LINGO2: variants seen among roughly 807,000 people sequenced by gnomAD.
LINGO2 encodes leucine rich repeat and Ig domain containing 2, also known as leucine-rich repeat and immunoglobulin-like domain-containing nogo receptor-interacting protein 2.
Under a neutral mutation model 30.6 loss-of-function variants are expected in LINGO2, and 14 were observed. The observed-to-expected ratio is 0.46, with a 90% CI of 0.30 to 0.72. The LOEUF (loss-of-function observed/expected upper bound fraction) is 0.72. Among genes scored for constraint, LINGO2 ranks in the 30% least tolerant of loss-of-function variants. The pLI, the probability that LINGO2 is intolerant of heterozygous loss-of-function variation, is 0.07. For missense variants in LINGO2, 729 were observed against 751.7 expected (o/e 0.97, Z 0.35); for synonymous variants, 317 against 288.5 (o/e 1.10, Z -1.00).
the LINGO2 span, among the ~76,000 whole-genome samples, chr9:28,990,563 C>T: frequency 2.4e-4 from 36 of 152,284 alleles, no homozygotes; most frequent in East Asian, 6.6e-3. Flanking sequence ...TCAAGTGGCT[C>T]CCTGACCCCT....
chr9:28,720,754 G>C, the LINGO2 span, among the ~76,000 whole-genome samples: 1 of 152,016 alleles, frequency 6.6e-6, no homozygotes, highest in Admixed American at 6.6e-5. Flanking sequence ...TGGAGGAAGA[G>C]GAATATGTGT....
chr9:29,128,933 T>C, the LINGO2 span, among the ~76,000 whole-genome samples: 1 of 152,190 alleles, frequency 6.6e-6, no homozygotes, highest in Non-Finnish European at 1.5e-5. Context: ...AGTATAACTT[T>C]TTATTAAACA....
the LINGO2 span, among the ~76,000 whole-genome samples, chr9:28,883,628 G>GTGTGTATGTATATATGTATATA: frequency 1.6e-5 from 1 of 64,180 alleles, no homozygotes; most frequent in Non-Finnish European, 3.0e-5. Context: ...ATGTGTGTGT[G>GTGTGTATGTATATATGTATATA]TATATATATA....
chr9:28,507,198 C>A (rs1187871534), intron 1 of LINGO2, among the ~76,000 whole-genome samples: 1 of 142,098 alleles, frequency 7.0e-6, no homozygotes, highest in Non-Finnish European at 1.5e-5. Flanking sequence ...ATAGACCTTA[C>A]TGCATTTCAG....
chr9:28,998,658 G>A, the LINGO2 span, among the ~76,000 whole-genome samples: 4 of 151,790 alleles, frequency 2.6e-5, no homozygotes, highest in African/African-American at 9.7e-5. Context: ...TCCTAGTCAA[G>A]GTTAAGGATT....
At chr9:28,352,169 G>A (rs995773228) in intron 3 of LINGO2, among the ~76,000 whole-genome samples, 6 of 151,756 alleles carry the variant, frequency 4.0e-5, no homozygotes, top group Non-Finnish European at 8.8e-5. Context: ...GGCAGGAGAA[G>A]GAAATAAAGG....
intron 4 of LINGO2, among the ~76,000 whole-genome samples, chr9:28,034,686 T>C (rs1408124742): frequency 6.6e-6 from 1 of 152,210 alleles, no homozygotes; most frequent in African/African-American, 2.4e-5. Flanking sequence ...TCAGGGATGA[T>C]AGTTAATGAC....
At chr9:28,436,734 G>A (rs112117468) in intron 2 of LINGO2, among the ~76,000 whole-genome samples, 50 of 152,302 alleles carry the variant, frequency 3.3e-4, no homozygotes, top group Non-Finnish European at 5.3e-4. Flanking sequence ...TGGGATTACA[G>A]GCATAAGCCA....
intron 4 of LINGO2, among the ~76,000 whole-genome samples, chr9:28,085,864 T>A (rs906146001): frequency 6.6e-6 from 1 of 152,096 alleles, no homozygotes; most frequent in Admixed American, 6.6e-5. Context: ...GGTATGATAC[T>A]TGAATTCGTG....
the LINGO2 span, among the ~76,000 whole-genome samples, chr9:29,091,810 G>T: frequency 2.0e-5 from 3 of 151,950 alleles, no homozygotes; most frequent in Admixed American, 6.6e-5. Context: ...GTTACATAAG[G>T]TCTACAAAGT....
intron 4 of LINGO2, among the ~76,000 whole-genome samples, chr9:28,091,454 G>T (rs1826083088): frequency 6.6e-6 from 1 of 152,130 alleles, no homozygotes; most frequent in Non-Finnish European, 1.5e-5. Context: ...ACAGGGAAAG[G>T]ATTCCCTATT....
the LINGO2 span, among the ~76,000 whole-genome samples, chr9:29,171,203 G>C: frequency 4.5e-3 from 690 of 152,066 alleles, 3 homozygotes; most frequent in Non-Finnish European, 7.8e-3. Flanking sequence ...TATGGTTCCT[G>C]AAAATTTGCA....
At chr9:28,000,874 A>G (rs1414100973) in intron 5 of LINGO2, among the ~76,000 whole-genome samples, 1 of 152,248 alleles carries the variant, frequency 6.6e-6, no homozygotes, top group Non-Finnish European at 1.5e-5. Flanking sequence ...CCTAAAATTA[A>G]TACAAAACAT....
chr9:28,357,198 G>A (rs1820243031), intron 3 of LINGO2, among the ~76,000 whole-genome samples: 1 of 151,916 alleles, frequency 6.6e-6, no homozygotes. Flanking sequence ...TTTGCAAAGT[G>A]AGTTAAGCAT....
the LINGO2 span, among the ~76,000 whole-genome samples, chr9:29,117,821 T>C: frequency 6.6e-6 from 1 of 152,372 alleles, no homozygotes; most frequent in East Asian, 1.9e-4. Context: ...CAATGTACTT[T>C]ATCGAGTTTG....
chr9:28,138,046 G>C (rs1021972576), intron 4 of LINGO2, among the ~76,000 whole-genome samples: 3 of 152,114 alleles, frequency 2.0e-5, no homozygotes, highest in African/African-American at 7.2e-5. Context: ...ACTCTGGAAG[G>C]TAGATATCAT....
the LINGO2 span, among the ~76,000 whole-genome samples, chr9:28,860,109 G>A: frequency 6.6e-6 from 1 of 151,914 alleles, no homozygotes; most frequent in Non-Finnish European, 1.5e-5. Context: ...GAAATATGTG[G>A]AAAATAATTA....
intron 3 of LINGO2, among the ~76,000 whole-genome samples, chr9:28,298,703 G>C (rs911966003): frequency 1.3e-5 from 2 of 148,686 alleles, no homozygotes; most frequent in Admixed American, 1.4e-4. Flanking sequence ...AAAAAAATCA[G>C]AATGAATGTA....
chr9:27,992,184 C>A lies in LINGO2; in HGVS notation c.-36+20171G>T, dbSNP rs1821429609. Among the ~76,000 whole-genome samples the A allele has an allele frequency of 2.0e-5, 3 of 147,082 alleles. 1 individual carries two copies. The highest frequency in any genetic ancestry group is 6.8e-5 in the Admixed American group (1 of 14,640). On this transcript the variant is annotated intron_variant, in intron 5 of 5. Coordinates refer to ENST00000379992, the Ensembl canonical transcript of LINGO2. ...CTGAAAATACCCCTCCAGTCCTTTG[C>A]CCTAACCTGTCACTGACATATATAA...
Sources: allele counts gnomAD v4.1 joint callset (sites outside exome capture counted in the v4.1 genomes callset), GRCh38; gene constraint gnomAD v4.1.1; transcripts MANE v1.5; gene names NCBI Gene and HGNC (gene_info 2026-07-23, HGNC 2026-07-21).